MERTK: variants seen among roughly 807,000 people sequenced by gnomAD.
The protein encoded by MERTK is MER proto-oncogene, tyrosine kinase, also known as tyrosine-protein kinase Mer.
MERTK carries 69 observed loss-of-function variants against 99.3 expected under a neutral mutation model. The observed-to-expected ratio is 0.70, with a 90% confidence interval of 0.57 to 0.85. MERTK has a LOEUF of 0.85. Among genes scored for constraint, MERTK ranks in the 40% least tolerant of loss-of-function variants. The pLI is 0.00. For synonymous variants in MERTK, 426 were observed against 467.6 expected, an observed-to-expected ratio of 0.91 and a Z score of 1.15; for missense variants, 1,125 against 1,249.4, an observed-to-expected ratio of 0.90 and a Z score of 1.50.
In MERTK at chr2:112,022,261, G is replaced by C; in HGVS notation, c.2353G>C (p.Ala785Pro). The C allele has an allele frequency of 6.2e-7, 1 of 1,614,218 alleles. No homozygotes were observed. Among genetic ancestry groups the C allele is most frequent in the Non-Finnish European group, 8.5e-7 (1 of 1,180,042 alleles). Residue 785 changes from alanine (A) to proline (P), a missense_variant, in exon 18 of 19, where the codon GCA (alanine) becomes CCA (proline). By Grantham distance (27) the Ala-to-Pro change is conservative. Coordinates refer to ENST00000295408, the MANE Select transcript of MERTK (RefSeq NM_006343.3). ...CTTGTTGTTGCTTTGTTCCCAGTGG[G>C]CATTTGGCGTGACCATGTGGGAAAT... Reference protein sequence around the residue: ...RVYTSKSDVWAFGVTMWEIAT... With the variant: ...RVYTSKSDVWPFGVTMWEIAT...
intron 4 of MERTK, among the ~76,000 whole-genome samples, chr2:111,961,303 G>A (rs1381994641): frequency 6.6e-6 from 1 of 151,140 alleles, no homozygotes; most frequent in Admixed American, 6.6e-5. Context: ...TGGGACTACA[G>A]GCGCCCGCCA....
chr2:111,937,912 C>T (rs1040101997), intron 2 of MERTK, among the ~76,000 whole-genome samples: 13 of 152,132 alleles, frequency 8.5e-5, no homozygotes, highest in Non-Finnish European at 1.8e-4. Context: ...ATTTTTTTGA[C>T]ATGGTAAAAC....
intron 2 of MERTK, among the ~76,000 whole-genome samples, chr2:111,933,741 T>C: frequency 6.6e-6 from 1 of 152,120 alleles, no homozygotes; most frequent in Non-Finnish European, 1.5e-5. Context: ...TTCATTATAC[T>C]TTAAGTTCTG....
intron 4 of MERTK, among the ~76,000 whole-genome samples, chr2:111,957,212 C>T (rs1485081457): frequency 1.3e-5 from 2 of 151,742 alleles, no homozygotes; most frequent in Non-Finnish European, 2.9e-5. Flanking sequence ...TGAGCCACTG[C>T]GCCCGGCGAG....
chr2:111,974,769 CA>C (rs35594851), intron 6 of MERTK, among the ~76,000 whole-genome samples: 2,528 of 53,210 alleles, frequency 0.048, 18 homozygotes, highest in African/African-American at 0.13. Flanking sequence ...AGGTCCATCT[CA>C]AAAAAAAAAA....
chr2:111,974,073 G>T (rs2104732261), intron 6 of MERTK, among the ~76,000 whole-genome samples: 1 of 151,412 alleles, frequency 6.6e-6, no homozygotes, highest in Admixed American at 6.6e-5. Flanking sequence ...GGTCGAAGGG[G>T]TTAAGAATAA....
At chr2:112,025,030 T>C (rs528353900) in intron 18 of MERTK, among the ~76,000 whole-genome samples, 2 of 152,218 alleles carry the variant, frequency 1.3e-5, no homozygotes, top group Non-Finnish European at 2.9e-5. Flanking sequence ...GTGACTCTTC[T>C]TCATAGTGAA....
intron 1 of MERTK, among the ~76,000 whole-genome samples, chr2:111,910,460 G>C (rs1174964336): frequency 2.0e-5 from 3 of 151,740 alleles, no homozygotes; most frequent in Non-Finnish European, 2.9e-5. Flanking sequence ...ATTTGAGATG[G>C]GGTTTCACCA....
Position 111,984,531 on chromosome 2 carries a change from C to T in MERTK, c.1296+1538C>T, listed in dbSNP as rs148396797. On this transcript the variant is annotated intron_variant, in intron 8 of 18. Coordinates refer to ENST00000295408, the MANE Select transcript of MERTK (RefSeq NM_006343.3). ...TCACTTGAAGGTCTGGAACATAACG[C>T]TTTTGTGAGAGCGAGGTGTGAGATG... Among the ~76,000 whole-genome samples, 4 of 152,250 alleles carry T rather than the reference C, an allele frequency of 2.6e-5. No individual in the cohort carries two copies. The East Asian group carries it at 7.7e-4, about 29-fold the overall frequency.
rs1035604918 is a variant in MERTK, at chr2:112,028,296, G to C, written c.2487-55G>C. 6 of 1,544,786 alleles carry C rather than the reference G, an allele frequency of 3.9e-6. No individual in the cohort carries two copies. The Admixed American group carries it at 8.4e-5, about 22-fold the overall frequency. The stretch of plus-strand genomic sequence containing the variant: ...TTCTGTAAAAACAAAGGCATGGATT[G>C]CACAAAGAGATGGGTGCCATGCTGG... On this transcript the variant is annotated intron_variant, in intron 18 of 18. Coordinates refer to ENST00000295408, the MANE Select transcript of MERTK (RefSeq NM_006343.3).
intron 2 of MERTK, among the ~76,000 whole-genome samples, chr2:111,933,336 G>C (rs1414808802): frequency 2.0e-5 from 3 of 152,158 alleles, no homozygotes; most frequent in Non-Finnish European, 2.9e-5. Context: ...TTAAAAAATA[G>C]TTTTAGGCTT....
chr2:111,996,205 A>C (rs1393683691), intron 9 of MERTK: 1 of 23,220 alleles, frequency 4.3e-5, no homozygotes, highest in Non-Finnish European at 1.0e-4. Context: ...TACCACAGTT[A>C]AATAACACCC....
At chr2:111,973,786 A>G (rs182542753) in intron 6 of MERTK, among the ~76,000 whole-genome samples, 2 of 152,164 alleles carry the variant, frequency 1.3e-5, no homozygotes, top group Non-Finnish European at 2.9e-5. Flanking sequence ...GACAGGAGGT[A>G]TGCGAGGAAA....
chr2:112,007,419 G>A (rs1268233410), intron 13 of MERTK, among the ~76,000 whole-genome samples: 1 of 152,188 alleles, frequency 6.6e-6, no homozygotes, highest in African/African-American at 2.4e-5. Flanking sequence ...CTCCCAAAGT[G>A]CTGGGATTAC....
chr2:112,003,091 G>A lies in MERTK; in HGVS notation c.1691-1G>A, dbSNP rs746108786. ...TACATACTATGTTACTCCTTTTTCA[G>A]TACATAGCTTGGGAGTCAGTGAGGA... On this transcript the variant is annotated splice_acceptor_variant, in intron 11 of 18. Coordinates refer to ENST00000295408, the MANE Select transcript of MERTK (RefSeq NM_006343.3). LOFTEE classifies it high-confidence loss of function. 6.8e-7 allele frequency: 1 copy of A among 1,466,304 alleles called. No homozygotes were observed. Among genetic ancestry groups the A allele is most frequent in the Non-Finnish European group, 9.6e-7 (1 of 1,045,540 alleles). 90.8% of individuals were successfully genotyped at this position (1,466,304 alleles called of 1,614,324 possible).
chr2:111,983,032 C>A (rs751101327), intron 8 of MERTK, 39 bp downstream of exon 8: 1 of 1,612,196 alleles, frequency 6.2e-7, no homozygotes. Context: ...TAGTCATCTC[C>A]TTTCAACTTG....
At chr2:111,962,605 G>C (rs1313780642) in intron 4 of MERTK, among the ~76,000 whole-genome samples, 3 of 152,134 alleles carry the variant, frequency 2.0e-5, no homozygotes, top group African/African-American at 7.2e-5. Flanking sequence ...TTCCCCTATC[G>C]TTAGCATTTT....
At position 111,965,242 on chromosome 2, in the gene MERTK, T is replaced by C; in HGVS notation, c.809T>C (p.Leu270Pro). Residue 270 changes from leucine to proline, a missense_variant, in exon 5 of 19, where the codon CTG becomes CCG. By Grantham distance (98) the Leu-to-Pro change is moderately conservative. Coordinates refer to ENST00000295408, the MANE Select transcript of MERTK (RefSeq NM_006343.3). ...FSCEAHNDKG[L>P]TVSKGVQINI... ...TGTGAGGCCCACAATGACAAAGGGCTGACCGTGTCCAAGGGAGTGCAGATC... is the reference window on the plus strand; with the variant it reads ...TGTGAGGCCCACAATGACAAAGGGCCGACCGTGTCCAAGGGAGTGCAGATC... The C allele has an allele frequency of 1.2e-6, 2 of 1,614,218 alleles. No individual in the cohort carries two copies. The highest frequency in any genetic ancestry group is 1.1e-5 in the South Asian group (1 of 91,080).
intron 6 of MERTK, among the ~76,000 whole-genome samples, 161 bp downstream of exon 6, chr2:111,968,413 T>C (rs1685401165): frequency 6.6e-6 from 1 of 152,222 alleles, no homozygotes; most frequent in South Asian, 2.1e-4. Flanking sequence ...CACTATTCCA[T>C]GTCCATGCTC....
Sources: gnomAD v4.1 joint callset for allele counts (sites outside exome capture counted in the v4.1 genomes callset) on GRCh38, gnomAD v4.1.1 for gene constraint, MANE v1.5 for transcripts, NCBI Gene and HGNC (gene_info 2026-07-23, HGNC 2026-07-21) for gene names.